The following PPM1F variants were observed in gnomAD, a reference collection of about 807,000 sequenced individuals.
PPM1F encodes the protein protein phosphatase 1F.
Under a neutral mutation model 35.5 loss-of-function variants are expected in PPM1F, and 17 were observed. That is an observed-to-expected ratio of 0.48 (90% confidence interval 0.33 to 0.72). The LOEUF (loss-of-function observed/expected upper bound fraction) is 0.72. Among genes scored for constraint, PPM1F ranks in the 30% least tolerant of loss-of-function variants. PPM1F has a pLI of 0.02. For synonymous variants in PPM1F, 241 were observed against 255.5 expected (o/e 0.94, Z 0.54); for missense variants, 521 against 613.0 (o/e 0.85, Z 1.59).
chr22:21,932,491 T>C (rs1211784342), intron 5 of PPM1F, among the ~76,000 whole-genome samples: 1 of 152,184 alleles, frequency 6.6e-6, no homozygotes, highest in Non-Finnish European at 1.5e-5. Context: ...AAAGTGCACC[T>C]TTCCCCTGGT....
At chr22:21,950,294 C>T (rs776976216) in intron 1 of PPM1F, 1 of 152,096 alleles carries the variant, frequency 6.6e-6, no homozygotes, top group Non-Finnish European at 1.5e-5. Context: ...CTCTCAGATC[C>T]TTTGAGGCTT....
intron 6 of PPM1F, among the ~76,000 whole-genome samples, chr22:21,929,663 G>A (rs1452972710): frequency 6.6e-6 from 1 of 152,200 alleles, no homozygotes; most frequent in East Asian, 1.9e-4. Flanking sequence ...GGGAGCAGGT[G>A]CCAAATTCCC....
intron 1 of PPM1F, chr22:21,948,340 A>T (rs1174182531): frequency 6.9e-6 from 1 of 145,386 alleles, no homozygotes; most frequent in Non-Finnish European, 1.5e-5. Context: ...AAAAGAAAAA[A>T]AAAGAACATA....
chr22:21,933,667 C>T lies in PPM1F; in HGVS notation c.559-88G>A. 4.8e-6 allele frequency: 6 copies of T among 1,248,924 alleles called. No homozygotes were observed. In the South Asian group the frequency reaches 8.1e-5, roughly 17 times the overall value. The allele number at this position is 1,248,924 out of a possible 1,614,324, so 77.4% of individuals were successfully genotyped here. A position where few individuals can be genotyped will look rare whatever the true frequency, so the allele number is the denominator to read the frequency against. ...GCGCCAGGCACTGATGGGGTAGAGT[C>T]TGGGAGAATCAGTATGGCCTTCGCC... On this transcript the variant is annotated intron_variant, in intron 4 of 7. Transcript: ENST00000263212.
intron 2 of PPM1F, chr22:21,945,593 C>G (rs879373310): frequency 3.9e-6 from 2 of 518,524 alleles, no homozygotes; most frequent in African/African-American, 4.0e-5. Context: ...GAGAGCATGG[C>G]GCAGCTGCCA....
intron 6 of PPM1F, among the ~76,000 whole-genome samples, chr22:21,927,512 G>A (rs2070530668): frequency 6.6e-6 from 1 of 152,232 alleles, no homozygotes; most frequent in African/African-American, 2.4e-5. Context: ...AATGTGGGCA[G>A]GTGATGGAGA....
At chr22:21,938,489 G>T (rs903447966) in intron 3 of PPM1F, 1 of 1,100,974 alleles carries the variant, frequency 9.1e-7, no homozygotes, top group South Asian at 2.0e-5. Flanking sequence ...TGATGCTGGC[G>T]GCCTCGGGTA....
At chr22:21,949,810 A>T (rs2070816702) in intron 1 of PPM1F, 1 of 152,332 alleles carries the variant, frequency 6.6e-6, no homozygotes, top group Admixed American at 6.5e-5. Context: ...CTCCTGGATC[A>T]GGGCCCCACT....
chr22:21,950,219 C>G (rs573760881), intron 1 of PPM1F: 1 of 152,092 alleles, frequency 6.6e-6, no homozygotes, highest in East Asian at 1.9e-4. Context: ...GTGTACCCCC[C>G]ACCCTAGGGC....
chr22:21,929,089 C>G (rs2070556502), intron 6 of PPM1F, among the ~76,000 whole-genome samples: 1 of 152,166 alleles, frequency 6.6e-6, no homozygotes, highest in Admixed American at 6.5e-5. Flanking sequence ...TGCTGGACCC[C>G]CGTTGAAGCT....
chr22:21,933,695 G>C lies in PPM1F; in HGVS notation c.559-116C>G, dbSNP rs529918768. 1.5e-5 allele frequency: 14 copies of C among 954,474 alleles called. No individual in the cohort carries two copies. The South Asian group carries it at 1.8e-4, about 12-fold the overall frequency. The allele number at this position is 954,474 out of a possible 1,614,324, so 59.1% of individuals were successfully genotyped here. ...GGAGAATCAGTATGGCCTTCGCCCGGCTTATGTGCGTATGAGGGGGTAGGT... is the reference window on the plus strand; with the variant it reads ...GGAGAATCAGTATGGCCTTCGCCCGCCTTATGTGCGTATGAGGGGGTAGGT... On this transcript the variant is annotated intron_variant, in intron 4 of 7. Coordinates refer to ENST00000263212, the MANE Select transcript of PPM1F (RefSeq NM_014634.4).
intron 6 of PPM1F, among the ~76,000 whole-genome samples, chr22:21,928,291 A>G (rs1192772834): frequency 3.3e-5 from 5 of 152,102 alleles, no homozygotes; most frequent in Non-Finnish European, 7.4e-5. Context: ...CTGGATGCCC[A>G]AGGCCCTCTG....
chr22:21,927,937 G>GTTTTTTTTTTTTTTTTTTTTTT (rs1392008034), intron 6 of PPM1F, among the ~76,000 whole-genome samples: 1 of 68,108 alleles, frequency 1.5e-5, no homozygotes, highest in Admixed American at 1.6e-4. Context: ...TCTGTTTTTT[G>GTTTTTTTTTTTTTTTTTTTTTT]TTTTGTTTTT....
At chr22:21,947,601 A>G (rs1179919667) in intron 1 of PPM1F, 1 of 152,248 alleles carries the variant, frequency 6.6e-6, no homozygotes, top group Non-Finnish European at 1.5e-5. Context: ...GAACAGTTTC[A>G]CAGCCCATCA....
chr22:21,950,926 AC>A (rs2070829638), intron 1 of PPM1F: 1 of 151,982 alleles, frequency 6.6e-6, no homozygotes, highest in Non-Finnish European at 1.5e-5. Flanking sequence ...CGCCTGGCCA[AC>A]CTTTTTCTAC....
At chr22:21,934,483 C>A (rs1314166593) in intron 3 of PPM1F, 6 of 474,050 alleles carry the variant, frequency 1.3e-5, no homozygotes, top group Non-Finnish European at 2.2e-5. Context: ...CTGAAGAAAT[C>A]ATCAGAAACA....
chr22:21,933,721 T>A lies in PPM1F; in HGVS notation c.559-142A>T. 7 of 795,230 alleles carry A rather than the reference T, an allele frequency of 8.8e-6. No individual in the cohort carries two copies. The South Asian group carries it at 1.3e-4, about 15-fold the overall frequency. 49.3% of individuals were successfully genotyped at this position (795,230 alleles called of 1,614,324 possible). On this transcript the variant is annotated intron_variant, in intron 4 of 7. Transcript: ENST00000263212. ...CTTATGTGCGTATGAGGGGGTAGGTTTGGAAAAGGACAGCTCGCGGGAGCC... is the reference window on the plus strand; with the variant it reads ...CTTATGTGCGTATGAGGGGGTAGGTATGGAAAAGGACAGCTCGCGGGAGCC...
rs1255152238 is a variant in PPM1F, at chr22:21,920,456, G to C, written c.*2636C>G. The C allele has an allele frequency of 6.6e-6, 1 of 152,628 alleles. No individual in the cohort carries two copies. The highest frequency in any genetic ancestry group is 2.4e-5 in the African/African-American group (1 of 41,482). 9.5% of individuals were successfully genotyped at this position (152,628 alleles called of 1,614,324 possible). A position where few individuals can be genotyped will look rare whatever the true frequency, so the allele number is the denominator to read the frequency against. On this transcript the variant is annotated 3_prime_UTR_variant, in exon 8 of 8. Coordinates refer to ENST00000263212, the MANE Select transcript of PPM1F (RefSeq NM_014634.4). ...GAGAAGGTCGCCCCGGAGGTTGGAGGCTGAAGACACCTGGTGCTTCTTGGT... is the reference window on the plus strand; with the variant it reads ...GAGAAGGTCGCCCCGGAGGTTGGAGCCTGAAGACACCTGGTGCTTCTTGGT...
chr22:21,931,807 T>G lies in PPM1F; in HGVS notation c.748-516A>C, dbSNP rs2070594277. On this transcript the variant is annotated intron_variant, in intron 5 of 7. Coordinates refer to ENST00000263212, the MANE Select transcript of PPM1F (RefSeq NM_014634.4). ...TGCTAGGATTACAGGCGTGAGTCAC[T>G]GCGCCTGGCTATTTATTTATTTAGA... 2.0e-5 allele frequency among the ~76,000 whole-genome samples: 3 copies of G among 151,120 alleles called. No homozygotes were observed. The South Asian group carries it at 6.3e-4, about 32-fold the overall frequency.
Sources: allele counts gnomAD v4.1 joint callset (sites outside exome capture counted in the v4.1 genomes callset), GRCh38; gene constraint gnomAD v4.1.1; transcripts MANE v1.5; gene names NCBI Gene and HGNC (gene_info 2026-07-23, HGNC 2026-07-21).